The following SRRM4 variants were observed in gnomAD, a reference collection of about 807,000 sequenced individuals.
SRRM4 encodes serine/arginine repetitive matrix 4.
In SRRM4, 33 loss-of-function variants were observed where a neutral mutation model predicts 68.9. The observed-to-expected ratio is 0.48, with a 90% CI of 0.36 to 0.64. The LOEUF (loss-of-function observed/expected upper bound fraction) is 0.64. Ranked by LOEUF, SRRM4 falls within the 30% of genes least tolerant of loss-of-function variation. The probability of loss-of-function intolerance (pLI) is 0.00; values close to 1 mark genes in which losing one functional copy is unlikely to be tolerated. For missense variants in SRRM4, 817 were observed against 827.1 expected (o/e 0.99, Z 0.15); for synonymous variants, 318 against 318.8 (o/e 1.00, Z 0.03).
rs1035488639 is a variant in SRRM4, at chr12:119,157,082, G to C, written c.*284G>C. ...AGAAGAAAGAAAAGAAAACTTCAAG[G>C]TTTTGTGAGAAGCAATGGGTCTGTG... On this transcript the variant is annotated 3_prime_UTR_variant, in exon 13 of 13. Coordinates refer to ENST00000267260, the MANE Select transcript of SRRM4 (RefSeq NM_194286.4). The surrounding 1 kb of genome is among the most constrained non-coding windows in gnomAD (Gnocchi z 4.1). The C allele has an allele frequency of 4.7e-6, 2 of 429,112 alleles. No homozygotes were observed. The highest frequency in any genetic ancestry group is 8.1e-6 in the Non-Finnish European group (2 of 245,910). The allele number at this position is 429,112 out of a possible 1,614,324, so 26.6% of individuals were successfully genotyped here. A position where few individuals can be genotyped will look rare whatever the true frequency, so the allele number is the denominator to read the frequency against.
intron 1 of SRRM4, among the ~76,000 whole-genome samples, chr12:119,006,706 GCTT>G (rs550828849): frequency 4.8e-4 from 73 of 152,354 alleles, no homozygotes; most frequent in Non-Finnish European, 9.0e-4. Context: ...AGATCATAGA[GCTT>G]CTGCAAGACT....
chr12:119,020,072 A>C (rs1395086741), intron 1 of SRRM4, among the ~76,000 whole-genome samples: 1 of 151,478 alleles, frequency 6.6e-6, no homozygotes, highest in African/African-American at 2.4e-5. Flanking sequence ...AGTGTGGTCA[A>C]TGGAGTAGGG....
intron 1 of SRRM4, chr12:119,036,848 G>A (rs1953630898): frequency 6.6e-6 from 1 of 152,436 alleles, no homozygotes; most frequent in Non-Finnish European, 1.5e-5. Flanking sequence ...AGCCAGCTGT[G>A]TGCAGGGTTT....
At position 119,161,653 on chromosome 12, in the gene SRRM4, C is replaced by T. The variant is rs1339958327; in HGVS notation, c.*4855C>T. On this transcript the variant is annotated 3_prime_UTR_variant, in exon 13 of 13. Coordinates refer to ENST00000267260, the MANE Select transcript of SRRM4 (RefSeq NM_194286.4). ...ATTGCTATTGAGAATTGGTCCATCTCCCAGCTCCAGGTGCTGCTGTCTGCA... is the reference window on the plus strand; with the variant it reads ...ATTGCTATTGAGAATTGGTCCATCTTCCAGCTCCAGGTGCTGCTGTCTGCA... 6.6e-6 allele frequency: 1 copy of T among 152,570 alleles called. No individual in the cohort carries two copies. Among genetic ancestry groups the T allele is most frequent in the African/African-American group, 2.4e-5 (1 of 41,434 alleles). The allele number at this position is 152,570 out of a possible 1,614,324, so 9.5% of individuals were successfully genotyped here.
At chr12:119,055,637 G>T (rs1023593501) in intron 1 of SRRM4, among the ~76,000 whole-genome samples, 3 of 152,206 alleles carry the variant, frequency 2.0e-5, no homozygotes, top group Admixed American at 1.3e-4. Context: ...ACCTCATTTA[G>T]TTGTCAGATG....
At chr12:119,005,442 A>T (rs900504881) in intron 1 of SRRM4, among the ~76,000 whole-genome samples, 2 of 152,128 alleles carry the variant, frequency 1.3e-5, no homozygotes, top group Non-Finnish European at 1.5e-5. Context: ...TTATTTAATT[A>T]ATCTCGGAAG....
intron 1 of SRRM4, among the ~76,000 whole-genome samples, chr12:119,030,771 G>A (rs909290953): frequency 6.6e-5 from 10 of 151,826 alleles, no homozygotes; most frequent in South Asian, 4.2e-4. Context: ...CATATCATAC[G>A]AATGCATTAG....
At chr12:119,010,139 G>A (rs904372582) in intron 1 of SRRM4, among the ~76,000 whole-genome samples, 2 of 152,126 alleles carry the variant, frequency 1.3e-5, no homozygotes, top group Admixed American at 6.5e-5. Flanking sequence ...TGCAACCTCC[G>A]CCTCCCAGGT....
intron 10 of SRRM4, among the ~76,000 whole-genome samples, chr12:119,151,688 A>G (rs2136068979): frequency 6.6e-6 from 1 of 152,070 alleles, no homozygotes; most frequent in South Asian, 2.1e-4. Context: ...TACGCCTTTG[A>G]TTGACTGGTG....
intron 1 of SRRM4, among the ~76,000 whole-genome samples, chr12:119,080,116 C>T (rs561686798): frequency 1.3e-5 from 2 of 152,060 alleles, no homozygotes; most frequent in African/African-American, 4.8e-5. Flanking sequence ...AACCCCTAAC[C>T]TTTGTTAGCT....
At chr12:119,078,141 CT>C (rs1451015180) in intron 1 of SRRM4, among the ~76,000 whole-genome samples, 4 of 152,162 alleles carry the variant, frequency 2.6e-5, no homozygotes, top group African/African-American at 9.7e-5. Context: ...CACGTGTCTA[CT>C]GGATATCATT....
intron 2 of SRRM4, 139 bp downstream of exon 2, chr12:119,102,521 CA>C (rs1954083543): frequency 1.5e-6 from 1 of 678,884 alleles, no homozygotes; most frequent in East Asian, 2.8e-5. Flanking sequence ...CGTAGAGGAA[CA>C]AATCAGAAAT....
At chr12:119,149,600 T>C (rs1954426380) in intron 9 of SRRM4, among the ~76,000 whole-genome samples, 1 of 152,068 alleles carries the variant, frequency 6.6e-6, no homozygotes, top group Non-Finnish European at 1.5e-5. Context: ...AAGGAAGGTT[T>C]TCCAGAAAGG....
intron 1 of SRRM4, among the ~76,000 whole-genome samples, chr12:119,087,888 C>G (rs981150327): frequency 6.6e-6 from 1 of 152,162 alleles, no homozygotes; most frequent in Non-Finnish European, 1.5e-5. Context: ...CTCAGGCAAG[C>G]CACTGCACCT....
intron 1 of SRRM4, among the ~76,000 whole-genome samples, chr12:119,056,420 T>C (rs995060116): frequency 2.0e-5 from 3 of 152,342 alleles, no homozygotes; most frequent in East Asian, 1.9e-4. Context: ...AGGTCCATCG[T>C]GATGGTCTTA....
chr12:119,104,748 T>C (rs2136043292), intron 2 of SRRM4, among the ~76,000 whole-genome samples: 1 of 151,976 alleles, frequency 6.6e-6, no homozygotes, highest in East Asian at 1.9e-4. Context: ...CTGCATACTT[T>C]ACTGCATATG....
At chr12:119,131,886 T>G (rs1954300503) in intron 8 of SRRM4, among the ~76,000 whole-genome samples, 1 of 152,174 alleles carries the variant, frequency 6.6e-6, no homozygotes. Context: ...CTTGAAAATT[T>G]CAGGTAGATG....
chr12:119,040,406 T>C (rs1293026429), intron 1 of SRRM4, among the ~76,000 whole-genome samples: 3 of 152,168 alleles, frequency 2.0e-5, no homozygotes, highest in Non-Finnish European at 4.4e-5. Flanking sequence ...TGCCCTTGCA[T>C]CCTCATAGCT....
intron 1 of SRRM4, among the ~76,000 whole-genome samples, chr12:119,054,536 TC>T (rs1006718767): frequency 5.9e-5 from 9 of 152,172 alleles, no homozygotes; most frequent in Non-Finnish European, 1.3e-4. Flanking sequence ...AACCAGACTT[TC>T]CTACATTTTG....
Sources: gnomAD v4.1 joint callset for allele counts (sites outside exome capture counted in the v4.1 genomes callset) on GRCh38, gnomAD v4.1.1 for gene constraint, Gnocchi (gnomAD v3.1) non-coding constraint, MANE v1.5 for transcripts, NCBI Gene and HGNC (gene_info 2026-07-23, HGNC 2026-07-21) for gene names.